The following TNIK variants were observed in gnomAD, a reference collection of about 807,000 sequenced individuals.
TNIK encodes TRAF2 and NCK interacting kinase, also known as TRAF2 and NCK-interacting protein kinase.
A neutral mutation model predicts 191.3 loss-of-function variants in TNIK; 49 were observed. The observed-to-expected ratio is 0.26, with a 90% CI of 0.20 to 0.32. The LOEUF (loss-of-function observed/expected upper bound fraction) is 0.32, where lower values mean the gene tolerates loss of function less well. TNIK is among the 10% of genes least tolerant of loss of function. TNIK has a pLI of 1.00. For synonymous variants in TNIK, 594 were observed against 600.9 expected (o/e 0.99, Z 0.17); for missense variants, 1,155 against 1,702.3 (o/e 0.68, Z 5.66).
intron 1 of TNIK, among the ~76,000 whole-genome samples, chr3:171,417,368 A>G (rs951340495): frequency 6.6e-6 from 1 of 152,168 alleles, no homozygotes; most frequent in African/African-American, 2.4e-5. Flanking sequence ...GGCTTGTTTC[A>G]CCAAGTAACT....
chr3:171,109,286 C>T (rs1031553050), intron 19 of TNIK, among the ~76,000 whole-genome samples: 6 of 152,162 alleles, frequency 3.9e-5, no homozygotes, highest in South Asian at 4.1e-4. Flanking sequence ...CTCGGCCTTC[C>T]GGGTACCTAG....
intron 3 of TNIK, among the ~76,000 whole-genome samples, chr3:171,223,074 A>G (rs1272678847): frequency 2.0e-5 from 3 of 152,190 alleles, no homozygotes; most frequent in Non-Finnish European, 4.4e-5. Flanking sequence ...TTCCTTCATG[A>G]CCTGGCCCCT....
At chr3:171,209,550 C>T (rs1241181946) in intron 4 of TNIK, among the ~76,000 whole-genome samples, 1 of 152,034 alleles carries the variant, frequency 6.6e-6, no homozygotes, top group African/African-American at 2.4e-5. Flanking sequence ...TCATATATCT[C>T]TCTTTAGGAT....
chr3:171,445,373 C>T (rs1450094156), intron 1 of TNIK, among the ~76,000 whole-genome samples: 3 of 150,830 alleles, frequency 2.0e-5, no homozygotes, highest in Admixed American at 6.6e-5. Context: ...GAGCTGAGAT[C>T]GCACCACTGG....
At chr3:171,329,089 TAC>T (rs140745534) in intron 2 of TNIK, among the ~76,000 whole-genome samples, 4 of 151,822 alleles carry the variant, frequency 2.6e-5, no homozygotes, top group South Asian at 2.1e-4. Flanking sequence ...CCTTGCTATA[TAC>T]ACACACACAC....
At chr3:171,353,945 T>G (rs1423235972) in intron 2 of TNIK, among the ~76,000 whole-genome samples, 1 of 152,142 alleles carries the variant, frequency 6.6e-6, no homozygotes, top group East Asian at 1.9e-4. Flanking sequence ...TTTGTAGATA[T>G]CCTCTACCCT....
At chr3:171,224,091 G>T (rs1425095151) in intron 3 of TNIK, among the ~76,000 whole-genome samples, 1 of 152,140 alleles carries the variant, frequency 6.6e-6, no homozygotes, top group African/African-American at 2.4e-5. Flanking sequence ...CACCTTTGCT[G>T]GGACCAATGG....
At chr3:171,346,643 A>G (rs9836093) in intron 2 of TNIK, among the ~76,000 whole-genome samples, 3,120 of 152,268 alleles carry the variant, frequency 0.02, 116 homozygotes, top group African/African-American at 0.072. Context: ...TGAAAGCCCA[A>G]ACGGGGCCTG....
At chr3:171,457,619 G>C (rs963566102) in intron 1 of TNIK, among the ~76,000 whole-genome samples, 1 of 152,190 alleles carries the variant, frequency 6.6e-6, no homozygotes, top group Admixed American at 6.5e-5. Context: ...GATTTGTGGA[G>C]ATTACCTATG....
At chr3:171,206,500 T>C (rs938867543) in intron 4 of TNIK, among the ~76,000 whole-genome samples, 3 of 151,908 alleles carry the variant, frequency 2.0e-5, no homozygotes, top group African/African-American at 7.3e-5. Context: ...CAGAGTACAA[T>C]ACCTCCCATT....
At chr3:171,081,685 TAG>T (rs1281105155) in intron 27 of TNIK, among the ~76,000 whole-genome samples, 1 of 147,564 alleles carries the variant, frequency 6.8e-6, no homozygotes, top group Non-Finnish European at 1.5e-5. Flanking sequence ...GCCTTCACTT[TAG>T]TCTCCATCTT....
rs1560085842 is a variant in TNIK at position 171,084,138 on chromosome 3, A to AG, written c.3169+16_3169+17insC. The AG allele has an allele frequency of 4.0e-6, 6 of 1,515,656 alleles. No homozygotes were observed. The South Asian group carries it at 7.9e-5, about 20-fold the overall frequency. The allele number at this position is 1,515,656 out of a possible 1,614,324, so 93.9% of individuals were successfully genotyped here. On this transcript the variant is annotated intron_variant, in intron 26 of 32. Transcript: ENST00000436636. ...AGTGGTTATTTAAAAAAAAAAAAAA[A>AG]AAAAGCACCAACATACCCCACAGAG...
intron 1 of TNIK, among the ~76,000 whole-genome samples, chr3:171,449,230 T>C (rs1206491375): frequency 6.6e-6 from 1 of 152,120 alleles, no homozygotes; most frequent in Non-Finnish European, 1.5e-5. Context: ...CATGTGCCTT[T>C]ACAGTAGAAT....
At chr3:171,452,538 C>T (rs1232172929) in intron 1 of TNIK, among the ~76,000 whole-genome samples, 1 of 152,034 alleles carries the variant, frequency 6.6e-6, no homozygotes, top group Admixed American at 6.6e-5. Flanking sequence ...CAGCTGTGTG[C>T]CTCATTAAAC....
intron 1 of TNIK, among the ~76,000 whole-genome samples, chr3:171,442,984 T>C (rs1157212857): frequency 1.3e-5 from 2 of 152,198 alleles, no homozygotes; most frequent in African/African-American, 2.4e-5. Context: ...AGAATATACA[T>C]ATTGTTCAGA....
At chr3:171,247,068 A>G (rs1560316744) in intron 2 of TNIK, among the ~76,000 whole-genome samples, 2 of 152,252 alleles carry the variant, frequency 1.3e-5, no homozygotes, top group South Asian at 2.1e-4. Context: ...AGGATATGCA[A>G]TTGGAGAAGA....
intron 2 of TNIK, among the ~76,000 whole-genome samples, chr3:171,336,442 G>T (rs1756958541): frequency 6.6e-6 from 1 of 152,146 alleles, no homozygotes; most frequent in Non-Finnish European, 1.5e-5. Flanking sequence ...TCTACTATAT[G>T]CTGTTATCTC....
At chr3:171,286,389 C>T (rs551806871) in intron 2 of TNIK, among the ~76,000 whole-genome samples, 1 of 152,174 alleles carries the variant, frequency 6.6e-6, no homozygotes. Context: ...TACTTCTCCA[C>T]AATTTAAGTC....
At chr3:171,395,858 C>A (rs1720164303) in intron 1 of TNIK, among the ~76,000 whole-genome samples, 1 of 152,108 alleles carries the variant, frequency 6.6e-6, no homozygotes, top group South Asian at 2.1e-4. Flanking sequence ...CTGATGTACC[C>A]TCCTCTCATA....
Sources: gnomAD v4.1 joint callset for allele counts (sites outside exome capture counted in the v4.1 genomes callset) on GRCh38, gnomAD v4.1.1 for gene constraint, MANE v1.5 for transcripts, NCBI Gene and HGNC (gene_info 2026-07-23, HGNC 2026-07-21) for gene names.